PSD3: variants seen among roughly 807,000 people sequenced by gnomAD.
PSD3 encodes the protein pleckstrin and Sec7 domain containing 3.
Under a neutral mutation model 105.5 loss-of-function variants are expected in PSD3, and 49 were observed. That is an observed-to-expected ratio of 0.46 (90% CI 0.37 to 0.59). PSD3 has a LOEUF of 0.59. Ranked by LOEUF, PSD3 falls within the 20% of genes least tolerant of loss-of-function variation. The pLI, the probability that PSD3 is intolerant of heterozygous loss-of-function variation, is 0.00. For missense variants in PSD3, 1,561 were observed against 1,263.8 expected (o/e 1.24, Z -3.57); for synonymous variants, 557 against 457.8 (o/e 1.22, Z -2.77).
chr8:18,719,228 G>A lies in PSD3; in HGVS notation c.2172+46221C>T, dbSNP rs187745328. Among the ~76,000 whole-genome samples, 552 of 152,246 alleles carry A rather than the reference G, an allele frequency of 3.6e-3. 14 individuals carry two copies. The highest frequency in any genetic ancestry group is 0.031 in the Admixed American group (473 of 15,282). On this transcript the variant is annotated intron_variant, in intron 9 of 15. Coordinates refer to ENST00000327040, the MANE Select transcript of PSD3 (RefSeq NM_015310.4). ...TGGACGCCACTGAGATTGTCAAAGT[G>A]AAAAGTTTCCTGGGTACAATACACA... is the stretch of plus-strand genomic sequence containing the variant.
intron 1 of PSD3, among the ~76,000 whole-genome samples, chr8:19,062,717 C>G (rs1032745654): frequency 3.9e-5 from 6 of 152,284 alleles, no homozygotes; most frequent in African/African-American, 1.4e-4. Flanking sequence ...TGTGTTATCA[C>G]TTAAAGTCCA....
intron 1 of PSD3, among the ~76,000 whole-genome samples, chr8:19,007,134 G>C (rs1301236369): frequency 6.6e-6 from 1 of 151,976 alleles, no homozygotes; most frequent in African/African-American, 2.4e-5. Context: ...CACACCTGCA[G>C]TCCCAGCTCC....
At chr8:18,769,534 G>A (rs1360524438) in intron 8 of PSD3, among the ~76,000 whole-genome samples, 1 of 152,102 alleles carries the variant, frequency 6.6e-6, no homozygotes, top group African/African-American at 2.4e-5. Context: ...ATAATTCAGT[G>A]ATTTTTAATA....
intron 12 of PSD3, among the ~76,000 whole-genome samples, chr8:18,595,281 C>CA (rs35238330): frequency 0.024 from 2,904 of 122,720 alleles, 68 homozygotes; most frequent in African/African-American, 0.066. Flanking sequence ...AATGTTATTA[C>CA]AAAAAAAAAA....
intron 9 of PSD3, among the ~76,000 whole-genome samples, chr8:18,735,333 T>C (rs112838901): frequency 3.9e-5 from 6 of 152,248 alleles, no homozygotes; most frequent in African/African-American, 1.4e-4. Flanking sequence ...GAGATAACTA[T>C]GTTGAATCAT....
At position 18,684,246 on chromosome 8, in the gene PSD3, ACACACC is replaced by A. The variant is rs1235319556; in HGVS notation, c.2173-28567_2173-28562del. ...CACACACACACACACACACACACAC[ACACACC>A]CCATCATATTCACACACTGGAACGA... On this transcript the variant is annotated intron_variant, in intron 9 of 15. Transcript: ENST00000327040. 1.6e-3 allele frequency: 273 copies of A among 165,600 alleles called. 3 individuals are homozygous for A. Among genetic ancestry groups the A allele is most frequent in the African/African-American group, 6.7e-3 (258 of 38,732 alleles). The allele number at this position is 165,600 out of a possible 1,614,324, so 10.3% of individuals were successfully genotyped here.
At chr8:18,627,809 G>GAA (rs33948705) in intron 11 of PSD3, among the ~76,000 whole-genome samples, 10,391 of 143,130 alleles carry the variant, frequency 0.073, 448 homozygotes, top group East Asian at 0.19. Flanking sequence ...AAAGAAAAAG[G>GAA]AAAAAAAAAC....
At chr8:18,814,389 T>A (rs1427076123) in intron 4 of PSD3, among the ~76,000 whole-genome samples, 2 of 152,204 alleles carry the variant, frequency 1.3e-5, no homozygotes, top group African/African-American at 4.8e-5. Flanking sequence ...AGTCTGCATT[T>A]GCTCCTGAGG....
intron 1 of PSD3, among the ~76,000 whole-genome samples, chr8:18,979,130 T>C (rs1445685757): frequency 2.0e-5 from 3 of 152,168 alleles, no homozygotes; most frequent in South Asian, 4.2e-4. Context: ...GATTTCACAA[T>C]AACTGAATAC....
At chr8:18,826,620 A>T (rs145993483) in intron 4 of PSD3, among the ~76,000 whole-genome samples, 1 of 152,300 alleles carries the variant, frequency 6.6e-6, no homozygotes, top group Non-Finnish European at 1.5e-5. Context: ...CCTACAGCTG[A>T]TTTTGGAACA....
chr8:18,602,296 C>T (rs377439519), intron 11 of PSD3, among the ~76,000 whole-genome samples: 1 of 152,096 alleles, frequency 6.6e-6, no homozygotes, highest in East Asian at 1.9e-4. Context: ...CTACACTAAG[C>T]CTACTACAAA....
chr8:18,772,975 T>C (rs2129444502), intron 8 of PSD3, among the ~76,000 whole-genome samples: 1 of 152,362 alleles, frequency 6.6e-6, no homozygotes, highest in Non-Finnish European at 1.5e-5. Flanking sequence ...TATTCTATTC[T>C]GTAGGTTGCC....
At chr8:18,666,771 CA>C (rs1471470406) in intron 9 of PSD3, among the ~76,000 whole-genome samples, 3 of 150,996 alleles carry the variant, frequency 2.0e-5, no homozygotes, top group Non-Finnish European at 4.4e-5. Context: ...TCAAGGCTGG[CA>C]AATGTTCAAG....
intron 9 of PSD3, among the ~76,000 whole-genome samples, chr8:18,679,009 G>C (rs373420710): frequency 0.8 from 121,001 of 150,954 alleles, 52,261 homozygotes; most frequent in Non-Finnish European, 0.97. Flanking sequence ...TTCAACTTAG[G>C]AATAACAAAA....
intron 11 of PSD3, among the ~76,000 whole-genome samples, chr8:18,616,959 C>T (rs535523428): frequency 1.2e-4 from 19 of 152,126 alleles, no homozygotes; most frequent in Non-Finnish European, 2.8e-4. Context: ...TTGATCCAAG[C>T]CCCCATTCTT....
chr8:18,989,286 T>A (rs993396457), intron 1 of PSD3: 2 of 152,188 alleles, frequency 1.3e-5, no homozygotes, highest in African/African-American at 4.8e-5. Context: ...CTCAGATAGG[T>A]GTTGCTGAGT....
intron 8 of PSD3, among the ~76,000 whole-genome samples, chr8:18,765,741 C>T (rs73199978): frequency 0.053 from 8,064 of 151,852 alleles, 252 homozygotes; most frequent in South Asian, 0.065. Flanking sequence ...CCTGGCTAAC[C>T]GGGCTATGTT....
intron 9 of PSD3, among the ~76,000 whole-genome samples, chr8:18,656,767 G>A (rs886146731): frequency 1.3e-5 from 2 of 151,878 alleles, no homozygotes; most frequent in East Asian, 1.9e-4. Context: ...GCAGTGCAGC[G>A]ACTATTCATG....
intron 15 of PSD3, among the ~76,000 whole-genome samples, chr8:18,541,945 G>A (rs1007755062): frequency 7.2e-5 from 11 of 151,956 alleles, no homozygotes; most frequent in African/African-American, 2.7e-4. Flanking sequence ...GGAGAACGGG[G>A]TTTCTCCATG....
Sources: allele counts gnomAD v4.1 joint callset (sites outside exome capture counted in the v4.1 genomes callset), GRCh38; gene constraint gnomAD v4.1.1; transcripts MANE v1.5; gene names NCBI Gene and HGNC (gene_info 2026-07-23, HGNC 2026-07-21).